Variants in PCED1B observed in about 807,000 individuals in gnomAD.
PCED1B encodes PC-esterase domain-containing protein 1B.
For synonymous variants in PCED1B, 251 were observed against 246.1 expected (o/e 1.02, Z -0.19); for missense variants, 573 against 573.9 (o/e 1.00, Z 0.02).
At chr12:47,135,290 TTTTTTA>T (rs1045775734) in intron 2 of PCED1B, among the ~76,000 whole-genome samples, 10 of 152,188 alleles carry the variant, frequency 6.6e-5, no homozygotes, top group East Asian at 1.9e-4. Context: ...GAAAGTTAAT[TTTTTTA>T]TTTTTATTTT....
chr12:47,213,449 C>T lies in PCED1B; in HGVS notation c.-525-2773C>T, dbSNP rs116138830. Among the ~76,000 whole-genome samples, 521 of 152,224 alleles carry T rather than the reference C, an allele frequency of 3.4e-3. 4 individuals carry two copies. Among genetic ancestry groups the T allele is most frequent in the African/African-American group, 0.012 (498 of 41,540 alleles). ...GAATAGATTTAAACACATACACACA[C>T]GAGCCAGCTGAAATTAATGTATATA... On this transcript the variant is annotated intron_variant, in intron 2 of 3. Transcript: ENST00000546455.
At chr12:47,177,162 A>C (rs1458798778) in intron 2 of PCED1B, among the ~76,000 whole-genome samples, 6 of 152,162 alleles carry the variant, frequency 3.9e-5, no homozygotes, top group Admixed American at 3.3e-4. Flanking sequence ...AGGGGATGCT[A>C]TCCAGTCATA....
chr12:47,125,017 G>A (rs80219376), intron 2 of PCED1B, among the ~76,000 whole-genome samples: 4,529 of 152,012 alleles, frequency 0.03, 180 homozygotes, highest in African/African-American at 0.087. Context: ...CTTAATTTTG[G>A]TGAAGTCCAA....
At chr12:47,183,866 A>T (rs1565588105) in intron 2 of PCED1B, among the ~76,000 whole-genome samples, 1 of 152,186 alleles carries the variant, frequency 6.6e-6, no homozygotes, top group African/African-American at 2.4e-5. Flanking sequence ...ATCTCTGATC[A>T]TGACTCCAAG....
At chr12:47,211,684 G>C (rs900482634) in intron 2 of PCED1B, among the ~76,000 whole-genome samples, 1 of 147,026 alleles carries the variant, frequency 6.8e-6, no homozygotes, top group African/African-American at 2.5e-5. Context: ...AAAACTGGGC[G>C]CAGTGGCTCA....
At chr12:47,219,103 T>C (rs1943395039) in intron 3 of PCED1B, among the ~76,000 whole-genome samples, 1 of 152,122 alleles carries the variant, frequency 6.6e-6, no homozygotes, top group Admixed American at 6.5e-5. Flanking sequence ...ATTGCACCAC[T>C]GCACTCCAGC....
intron 1 of PCED1B, among the ~76,000 whole-genome samples, chr12:47,083,415 T>C (rs1426648347): frequency 6.6e-6 from 1 of 152,062 alleles, no homozygotes; most frequent in Non-Finnish European, 1.5e-5. Context: ...ATGCAGGAGC[T>C]TCCTGTGGAG....
chr12:47,212,928 C>A (rs1943137567), intron 2 of PCED1B, among the ~76,000 whole-genome samples: 1 of 152,170 alleles, frequency 6.6e-6, no homozygotes, highest in African/African-American at 2.4e-5. Flanking sequence ...ATGTTCTGAA[C>A]CACTAGGCTG....
rs777495681 is a variant in PCED1B, at chr12:47,235,400, G to A, written c.337G>A (p.Glu113Lys). The change falls in exon 4 of 4, where the codon GAG becomes AAG. Residue 113 changes from glutamate to lysine, a missense_variant. Coordinates refer to ENST00000546455, the MANE Select transcript of PCED1B (RefSeq NM_138371.3). ...CATCTTGAAAGAGCTGCAGTCGGGC[G>A]AGCACGCCCCCGACCTGGTCATCAT... ...QTILKELQSGEHAPDLVIMNS... is the reference protein window; with the variant it reads ...QTILKELQSGKHAPDLVIMNS... 1.1e-5 allele frequency: 18 copies of A among 1,614,030 alleles called. No homozygotes were observed. The highest frequency in any genetic ancestry group is 2.2e-5 in the East Asian group (1 of 44,886).
intron 2 of PCED1B, among the ~76,000 whole-genome samples, chr12:47,160,682 T>G (rs1565574835): frequency 6.6e-6 from 1 of 151,570 alleles, no homozygotes. Flanking sequence ...TTTCATATTT[T>G]CTTCTAAGAC....
At chr12:47,121,664 G>C (rs986618030) in intron 2 of PCED1B, among the ~76,000 whole-genome samples, 3 of 152,120 alleles carry the variant, frequency 2.0e-5, no homozygotes, top group African/African-American at 4.8e-5. Flanking sequence ...TCCTGCTGAT[G>C]GGAGTAGTAG....
At chr12:47,178,309 T>C (rs1941988771) in intron 2 of PCED1B, among the ~76,000 whole-genome samples, 1 of 152,152 alleles carries the variant, frequency 6.6e-6, no homozygotes, top group Non-Finnish European at 1.5e-5. Context: ...GTGGATGCCA[T>C]GTGCTGACTG....
At chr12:47,123,748 T>C (rs1939772620) in intron 2 of PCED1B, among the ~76,000 whole-genome samples, 1 of 152,060 alleles carries the variant, frequency 6.6e-6, no homozygotes, top group African/African-American at 2.4e-5. Flanking sequence ...TTCTTCTCTT[T>C]TTGTATCTAT....
At chr12:47,141,934 C>T (rs80244597) in intron 2 of PCED1B, among the ~76,000 whole-genome samples, 5,949 of 152,222 alleles carry the variant, frequency 0.039, 155 homozygotes, top group African/African-American at 0.069. Flanking sequence ...ACCCAGGAGG[C>T]AGTCCTTGAG....
chr12:47,110,289 C>T (rs116224479), intron 2 of PCED1B, among the ~76,000 whole-genome samples: 1,954 of 152,224 alleles, frequency 0.013, 47 homozygotes, highest in African/African-American at 0.046. Flanking sequence ...AGGTTAAAAA[C>T]AAAAATGCTG....
intron 2 of PCED1B, among the ~76,000 whole-genome samples, chr12:47,159,279 G>A (rs772185953): frequency 6.6e-6 from 1 of 152,110 alleles, no homozygotes; most frequent in Non-Finnish European, 1.5e-5. Context: ...CTGCTGGATT[G>A]TATGGTAGTT....
At position 47,235,671 on chromosome 12, in the gene PCED1B, A is replaced by T. The variant is rs1383415234; in HGVS notation, c.608A>T (p.Glu203Val). ...VVKANFHSAT[E>V]ARKHNFDVLD... ...AAAGCCAACTTCCACAGCGCCACCG[A>T]GGCACGTAAACATAACTTCGATGTA... is the stretch of plus-strand genomic sequence containing the variant. The change falls in exon 4 of 4, where the codon GAG becomes GTG. Residue 203 changes from glutamate to valine, a missense_variant. Coordinates refer to ENST00000546455, the MANE Select transcript of PCED1B (RefSeq NM_138371.3). 1 of 1,613,126 alleles carries T rather than the reference A, an allele frequency of 6.2e-7. No individual in the cohort carries two copies. The highest frequency in any genetic ancestry group is 1.3e-5 in the African/African-American group (1 of 75,040).
At chr12:47,190,614 AAAC>A (rs1394599952) in intron 2 of PCED1B, among the ~76,000 whole-genome samples, 1 of 152,208 alleles carries the variant, frequency 6.6e-6, no homozygotes, top group Non-Finnish European at 1.5e-5. Context: ...TGATCCTTTC[AAAC>A]AACAATAGTA....
intron 1 of PCED1B, among the ~76,000 whole-genome samples, chr12:47,082,010 C>T (rs1206123187): frequency 6.6e-6 from 1 of 152,136 alleles, no homozygotes; most frequent in African/African-American, 2.4e-5. Context: ...GGGGATTTCA[C>T]ATGTTTGTGA....
Sources: gnomAD v4.1 joint callset for allele counts (sites outside exome capture counted in the v4.1 genomes callset) on GRCh38, gnomAD v4.1.1 for gene constraint, MANE v1.5 for transcripts, NCBI Gene and HGNC (gene_info 2026-07-23, HGNC 2026-07-21) for gene names.